The following ARHGAP26 variants were observed in gnomAD, a reference collection of about 807,000 sequenced individuals.
ARHGAP26 encodes Rho GTPase activating protein 26, also known as rho GTPase-activating protein 26.
A neutral mutation model predicts 104.8 loss-of-function variants in ARHGAP26; 38 were observed. That is an observed-to-expected ratio of 0.36 (90% CI 0.28 to 0.48). The LOEUF (loss-of-function observed/expected upper bound fraction) is 0.48. Among genes scored for constraint, ARHGAP26 ranks in the 20% least tolerant of loss-of-function variants. The pLI is 0.99. For synonymous variants in ARHGAP26, 341 were observed against 340.0 expected, an observed-to-expected ratio of 1.00 and a Z score of -0.03; for missense variants, 704 against 947.9, an observed-to-expected ratio of 0.74 and a Z score of 3.38.
intron 1 of ARHGAP26, among the ~76,000 whole-genome samples, chr5:142,777,016 A>G (rs184634792): frequency 7.2e-5 from 11 of 152,298 alleles, no homozygotes; most frequent in Admixed American, 1.3e-4. Flanking sequence ...CTGGTGACCA[A>G]TGAGGATGAG....
chr5:142,897,751 G>A lies in ARHGAP26; in HGVS notation c.597+3403G>A, dbSNP rs983349921. Among the ~76,000 whole-genome samples, 3 of 152,210 alleles carry A rather than the reference G, an allele frequency of 2.0e-5. No homozygotes were observed. The East Asian group carries it at 5.8e-4, about 29-fold the overall frequency. ...AACCTTATAACATCTCTGAGGGTAAGTACTGTTTTTATCCCAATTTTCAGA... is the reference window on the plus strand; with the variant it reads ...AACCTTATAACATCTCTGAGGGTAAATACTGTTTTTATCCCAATTTTCAGA... On this transcript the variant is annotated intron_variant, in intron 6 of 22. Coordinates refer to ENST00000645722, the MANE Select transcript of ARHGAP26 (RefSeq NM_001135608.3).
Position 142,932,065 on chromosome 5 carries a change from G to A in ARHGAP26, c.1047G>A (p.Met349Ile). 3 of 1,614,070 alleles carry A rather than the reference G, an allele frequency of 1.9e-6. No homozygotes were observed. The highest frequency in any genetic ancestry group is 3.3e-4 in the Middle Eastern group (2 of 6,062). The change falls in exon 11 of 23, where the codon ATG becomes ATA. Residue 349 changes from methionine (M) to isoleucine (I), a missense_variant. Coordinates refer to ENST00000645722, the MANE Select transcript of ARHGAP26 (RefSeq NM_001135608.3). ...EAVDRPGVIT[M>I]QALSEEDRRL... ...TCTGCAGGCCAGGGGTTATCACCAT[G>A]CAAGCTTTGTCGGAAGAGGACCGGA...
At chr5:143,067,578 C>T (rs921195729) in intron 17 of ARHGAP26, among the ~76,000 whole-genome samples, 1 of 152,094 alleles carries the variant, frequency 6.6e-6, no homozygotes, top group Non-Finnish European at 1.5e-5. Flanking sequence ...GTTTTTCTTC[C>T]AGCAGTTTAG....
chr5:142,807,757 C>A (rs1763259477), intron 1 of ARHGAP26, among the ~76,000 whole-genome samples: 1 of 152,106 alleles, frequency 6.6e-6, no homozygotes, highest in South Asian at 2.1e-4. Context: ...ATCAGCGGGA[C>A]AGAGATTTGT....
chr5:142,881,123 G>A (rs1002751484), intron 4 of ARHGAP26, among the ~76,000 whole-genome samples: 7 of 152,220 alleles, frequency 4.6e-5, no homozygotes, highest in African/African-American at 1.7e-4. Flanking sequence ...GGCCCTGCCC[G>A]CAGGGCTCCT....
chr5:142,810,862 G>T (rs1284025480), intron 1 of ARHGAP26, among the ~76,000 whole-genome samples: 2 of 152,216 alleles, frequency 1.3e-5, no homozygotes, highest in African/African-American at 4.8e-5. Flanking sequence ...TAGTGTTTGT[G>T]TCCTACATAA....
intron 6 of ARHGAP26, 30 bp from the exon 7 acceptor site, chr5:142,901,905 G>T (rs1403162321): frequency 1.9e-6 from 3 of 1,591,190 alleles, no homozygotes; most frequent in Non-Finnish European, 2.6e-6. Context: ...ACCTGGTTAT[G>T]TGACCTTTGC....
At chr5:143,091,541 C>T (rs1791437108) in intron 17 of ARHGAP26, among the ~76,000 whole-genome samples, 2 of 152,128 alleles carry the variant, frequency 1.3e-5, no homozygotes, top group Admixed American at 1.3e-4. Flanking sequence ...GAAAGCCAAA[C>T]ACCATTTTAT....
intron 5 of ARHGAP26, among the ~76,000 whole-genome samples, chr5:142,887,794 G>A (rs245710): frequency 0.18 from 27,638 of 151,922 alleles, 2,966 homozygotes; most frequent in South Asian, 0.41. Context: ...GTGAGACCTC[G>A]TCTCTACTAA....
At chr5:143,110,673 A>G (rs1794672753) in intron 17 of ARHGAP26, among the ~76,000 whole-genome samples, 1 of 152,244 alleles carries the variant, frequency 6.6e-6, no homozygotes. Flanking sequence ...GCATTTTATA[A>G]ACTATAAAAT....
chr5:142,984,223 A>G (rs1360665131), intron 11 of ARHGAP26, among the ~76,000 whole-genome samples: 1 of 152,200 alleles, frequency 6.6e-6, no homozygotes, highest in Non-Finnish European at 1.5e-5. Context: ...TTTGCCAGAA[A>G]TCGCCTGTAT....
intron 1 of ARHGAP26, among the ~76,000 whole-genome samples, chr5:142,836,125 A>G (rs757672700): frequency 6.6e-6 from 1 of 152,194 alleles, no homozygotes; most frequent in Non-Finnish European, 1.5e-5. Context: ...GTAAGATATC[A>G]TCAACCCACT....
At chr5:143,088,140 C>G (rs745579439) in intron 17 of ARHGAP26, among the ~76,000 whole-genome samples, 2 of 152,186 alleles carry the variant, frequency 1.3e-5, no homozygotes, top group Non-Finnish European at 2.9e-5. Flanking sequence ...TCAAAAGTTC[C>G]CCATTTTATG....
At chr5:143,208,210 C>T (rs1445608329) in intron 21 of ARHGAP26, among the ~76,000 whole-genome samples, 4 of 152,156 alleles carry the variant, frequency 2.6e-5, no homozygotes, top group African/African-American at 4.8e-5. Context: ...TCTTTACAAC[C>T]GGGAAAAGAA....
At chr5:142,885,448 A>G (rs374560679) in intron 5 of ARHGAP26, 49 bp downstream of exon 5, 91 of 1,503,220 alleles carry the variant, frequency 6.1e-5, no homozygotes, top group Non-Finnish European at 7.5e-5. Flanking sequence ...TTTGTACATG[A>G]TGCTGTGGAT....
At chr5:143,131,293 G>A (rs1015277044) in intron 18 of ARHGAP26, among the ~76,000 whole-genome samples, 1 of 152,104 alleles carries the variant, frequency 6.6e-6, no homozygotes, top group African/African-American at 2.4e-5. Flanking sequence ...ACAGTTCTCA[G>A]GAAATAGTAA....
chr5:143,036,446 C>T (rs576095773), intron 12 of ARHGAP26, among the ~76,000 whole-genome samples: 1 of 152,252 alleles, frequency 6.6e-6, no homozygotes, highest in South Asian at 2.1e-4. Context: ...TGCTCATTTC[C>T]CCCTAGAGGA....
intron 20 of ARHGAP26, among the ~76,000 whole-genome samples, chr5:143,186,094 T>C (rs574494744): frequency 2.4e-4 from 36 of 152,322 alleles, no homozygotes; most frequent in African/African-American, 8.7e-4. Flanking sequence ...AAGAAAGCCA[T>C]TCTCAGAAGC....
At chr5:142,979,333 G>C (rs573445292) in intron 11 of ARHGAP26, among the ~76,000 whole-genome samples, 1 of 152,226 alleles carries the variant, frequency 6.6e-6, no homozygotes, top group South Asian at 2.1e-4. Context: ...ACTGAATTTT[G>C]AGGTCCCAGC....
Sources: allele counts gnomAD v4.1 joint callset (sites outside exome capture counted in the v4.1 genomes callset), GRCh38; gene constraint gnomAD v4.1.1; transcripts MANE v1.5; gene names NCBI Gene and HGNC (gene_info 2026-07-23, HGNC 2026-07-21).